The following AMZ2 variants were observed in gnomAD, a reference collection of about 807,000 sequenced individuals.
AMZ2 encodes the protein archaelysin family metallopeptidase 2.
Under a neutral mutation model 36.7 loss-of-function variants are expected in AMZ2, and 26 were observed. The observed-to-expected ratio is 0.71, with a 90% CI of 0.52 to 0.98. AMZ2 has a LOEUF of 0.98. AMZ2 is among the 50% of genes least tolerant of loss of function. The pLI is 0.00. For missense variants in AMZ2, 394 were observed against 430.5 expected (o/e 0.92, Z 0.75); for synonymous variants, 144 against 149.1 (o/e 0.97, Z 0.25).
chr17:68,240,009 G>A (rs1224982511), intron 1 of AMZ2, among the ~76,000 whole-genome samples: 1 of 152,194 alleles, frequency 6.6e-6, no homozygotes, highest in African/African-American at 2.4e-5. Flanking sequence ...TGTTTGGGAT[G>A]CTATAAGAAA....
At chr17:68,220,956 T>C (rs1315196130) in intron 1 of AMZ2, among the ~76,000 whole-genome samples, 1 of 151,798 alleles carries the variant, frequency 6.6e-6, no homozygotes, top group African/African-American at 2.4e-5. Context: ...CTAATTTTTG[T>C]ATTCTTTAGT....
chr17:68,247,918 C>A, upstream of AMZ2: 1 of 985,586 alleles, frequency 1.0e-6, no homozygotes, highest in Non-Finnish European at 1.2e-6. Flanking sequence ...CCTGCCCAGG[C>A]GGCCGCACGC....
chr17:68,249,740 G>A (rs2074302259), intron 1 of AMZ2: 1 of 164,686 alleles, frequency 6.1e-6, no homozygotes, highest in Admixed American at 6.0e-5. Context: ...TCAAGCTCCT[G>A]GGCTCAAGTG....
At chr17:68,208,378 A>G (rs2072910526) in intron 1 of AMZ2, among the ~76,000 whole-genome samples, 2 of 152,168 alleles carry the variant, frequency 1.3e-5, no homozygotes, top group African/African-American at 4.8e-5. Context: ...AAATGCACCA[A>G]TCAGCACCCT....
intron 1 of AMZ2, among the ~76,000 whole-genome samples, chr17:68,209,626 A>ATG (rs1430193601): frequency 5.2e-5 from 5 of 95,246 alleles, no homozygotes; most frequent in East Asian, 3.2e-4. Context: ...ATATATATAT[A>ATG]TATATATTTT....
intron 1 of AMZ2, among the ~76,000 whole-genome samples, chr17:68,214,259 A>T (rs1490135377): frequency 6.6e-6 from 1 of 152,082 alleles, no homozygotes; most frequent in Non-Finnish European, 1.5e-5. Flanking sequence ...TTATTGGGGG[A>T]AATCCCTCTT....
At position 68,235,784 on chromosome 17, in the gene AMZ2, G is replaced by C. The variant is rs2073771846; in HGVS notation, c.-66-12856G>C. On this transcript the variant is annotated intron_variant, in intron 1 of 7. Transcript: ENST00000674770. This position sits in a 1 kb window ranked among gnomAD's most constrained non-coding sequence, Gnocchi z 4.2. ...ACGTGCTGTGCCCTCAGCCTGGGCT[G>C]CCGTGGACTGGCCGTCCCTACCCCT... Among the ~76,000 whole-genome samples the C allele has an allele frequency of 6.6e-6, 1 of 152,062 alleles. No individual in the cohort carries two copies. Among genetic ancestry groups the C allele is most frequent in the Non-Finnish European group, 1.5e-5 (1 of 68,014 alleles).
intron 1 of AMZ2, among the ~76,000 whole-genome samples, chr17:68,207,822 G>A (rs1555724771): frequency 6.6e-6 from 1 of 151,492 alleles, no homozygotes. Context: ...GCCAAGGCTG[G>A]AGCCGGCTCC....
chr17:68,248,076 G>C lies in AMZ2; in HGVS notation c.-630G>C. The C allele has an allele frequency of 1.0e-6, 1 of 986,244 alleles. No homozygotes were observed. Among genetic ancestry groups the C allele is most frequent in the Non-Finnish European group, 1.2e-6 (1 of 830,474 alleles). The allele number at this position is 986,244 out of a possible 1,614,324, so 61.1% of individuals were successfully genotyped here. A position where few individuals can be genotyped will look rare whatever the true frequency, so the allele number is the denominator to read the frequency against. On this transcript the variant is annotated 5_prime_UTR_variant, in exon 1 of 7. Transcript: ENST00000359904. ...GGGACGCGGTGCGCATGCGCGTGAG[G>C]GCTGCCGCGGGTGGGTGGTATCGAG...
In AMZ2 at chr17:68,233,110, G is replaced by A. The variant is rs112859929; in HGVS notation, c.-66-15530G>A. Among the ~76,000 whole-genome samples the A allele has an allele frequency of 8.3e-3, 1,261 of 152,370 alleles. 14 individuals carry two copies. Among genetic ancestry groups the A allele is most frequent in the African/African-American group, 0.029 (1,207 of 41,592 alleles). ...GTCCCCAGATGGCCAGCTACATGTT[G>A]TGTCCTCACATGGCTGGGACAAAGA... On this transcript the variant is annotated intron_variant, in intron 1 of 7. Coordinates refer to the AMZ2 transcript ENST00000674770.
chr17:68,248,041 G>A (rs1234899030), upstream of AMZ2: 5 of 986,464 alleles, frequency 5.1e-6, no homozygotes, highest in Non-Finnish European at 6.0e-6. Context: ...GTGGCGTGGC[G>A]CAGTGCGAAG....
intron 1 of AMZ2, among the ~76,000 whole-genome samples, chr17:68,223,171 A>G (rs1318657757): frequency 6.6e-6 from 1 of 152,202 alleles, no homozygotes; most frequent in Non-Finnish European, 1.5e-5. Context: ...AATTTTGTGT[A>G]TGTTTGAAAC....
At chr17:68,218,118 A>T (rs1245306400) in intron 1 of AMZ2, among the ~76,000 whole-genome samples, 1 of 152,066 alleles carries the variant, frequency 6.6e-6, no homozygotes, top group Non-Finnish European at 1.5e-5. Flanking sequence ...GGCCAAAAAA[A>T]AGGTTCTTAT....
At chr17:68,223,894 A>ATTTTT (rs1568350601) in intron 1 of AMZ2, among the ~76,000 whole-genome samples, 1 of 96,926 alleles carries the variant, frequency 1.0e-5, no homozygotes, top group African/African-American at 4.7e-5. Flanking sequence ...TTATATATAT[A>ATTTTT]TATATTTTTT....
intron 1 of AMZ2, among the ~76,000 whole-genome samples, chr17:68,234,693 C>A (rs2073745923): frequency 6.6e-6 from 1 of 151,762 alleles, no homozygotes; most frequent in African/African-American, 2.4e-5. Flanking sequence ...ATGCTTGAGC[C>A]CAGAAGGTCA....
At chr17:68,206,168 AGAC>A in exon 1 of AMZ2, 3 of 1,306,494 alleles carry the variant, frequency 2.3e-6, no homozygotes, top group South Asian at 3.1e-5. Flanking sequence ...AGGAGCTGGA[AGAC>A]GACGACGACG....
Position 68,250,853 on chromosome 17 carries a change from T to C in AMZ2, c.343T>C (p.Cys115Arg), listed in dbSNP as rs782790644. ...EEYIKWLTGY[C>R]KAYFYGLRVK... ...ATATATTAAATGGCTCACGGGCTAC[T>C]GTAAAGCATATTTCTATGGCTTGAG... Residue 115 changes from cysteine (C) to arginine (R), a missense_variant, in exon 3 of 7, where the codon TGT (cysteine) becomes CGT (arginine). Physicochemically the swap from Cys to Arg is radical, Grantham distance 180. Transcript: ENST00000359904. 6.2e-7 allele frequency: 1 copy of C among 1,607,132 alleles called. No homozygotes were observed. The highest frequency in any genetic ancestry group is 1.1e-5 in the South Asian group (1 of 89,088).
intron 1 of AMZ2, among the ~76,000 whole-genome samples, chr17:68,238,354 G>C (rs1163842083): frequency 1.3e-5 from 2 of 151,972 alleles, no homozygotes; most frequent in Admixed American, 1.3e-4. Flanking sequence ...GCCTGACCAG[G>C]GACTTTCTTC....
intron 4 of AMZ2, among the ~76,000 whole-genome samples, chr17:68,252,659 C>T (rs766696349): frequency 6.6e-6 from 1 of 152,028 alleles, no homozygotes; most frequent in East Asian, 1.9e-4. Flanking sequence ...CCACCACACC[C>T]GGCTATTTTA....
Sources: gnomAD v4.1 joint callset for allele counts (sites outside exome capture counted in the v4.1 genomes callset) on GRCh38, gnomAD v4.1.1 for gene constraint, Gnocchi (gnomAD v3.1) non-coding constraint, MANE v1.5 for transcripts, NCBI Gene and HGNC (gene_info 2026-07-23, HGNC 2026-07-21) for gene names.